The following GRM7 variants were observed in gnomAD, a reference collection of about 807,000 sequenced individuals.
The protein encoded by GRM7 is metabotropic glutamate receptor 7.
GRM7 carries 35 observed loss-of-function variants against 84.5 expected under a neutral mutation model. That is an observed-to-expected ratio of 0.41 (90% CI 0.32 to 0.55). GRM7 has a LOEUF of 0.55. Among genes scored for constraint, GRM7 ranks in the 20% least tolerant of loss-of-function variants. The pLI is 0.19. For missense variants in GRM7, 1,003 were observed against 1,194.6 expected (o/e 0.84, Z 2.36); for synonymous variants, 487 against 455.1 (o/e 1.07, Z -0.89).
At chr3:7,702,305 A>T (rs1701254778) in intron 9 of GRM7, among the ~76,000 whole-genome samples, 1 of 152,188 alleles carries the variant, frequency 6.6e-6, no homozygotes, top group South Asian at 2.1e-4. Context: ...TGGAGACTCC[A>T]CATTTTTCAC....
At position 7,146,531 on chromosome 3, in the gene GRM7, C is replaced by T; in HGVS notation, c.599C>T (p.Pro200Leu). 1 of 1,613,984 alleles carries T rather than the reference C, an allele frequency of 6.2e-7. No homozygotes were observed. The highest frequency in any genetic ancestry group is 8.5e-7 in the Non-Finnish European group (1 of 1,179,942). Reference protein sequence around the residue: ...RRYDFFSRVVPPDSFQAQAMV... With the variant: ...RRYDFFSRVVLPDSFQAQAMV... ...TATGACTTCTTCTCTCGCGTGGTGC[C>T]ACCCGATTCCTTCCAAGCCCAGGCC... Residue 200 changes from proline (P) to leucine (L), a missense_variant, in exon 2 of 10, where the codon CCA (proline) becomes CTA (leucine). This residue lies in a region of GRM7 where 910 missense variants were observed against 1,126.0 expected (regional missense o/e 0.81). Transcript: ENST00000357716.
At chr3:7,492,921 A>G (rs1447187071) in intron 7 of GRM7, among the ~76,000 whole-genome samples, 1 of 151,880 alleles carries the variant, frequency 6.6e-6, no homozygotes, top group African/African-American at 2.4e-5. Flanking sequence ...TTCCTTGAGA[A>G]TCTTCTTTAA....
intron 9 of GRM7, among the ~76,000 whole-genome samples, chr3:7,686,621 A>G (rs1052593160): frequency 3.3e-5 from 5 of 151,982 alleles, no homozygotes; most frequent in Non-Finnish European, 5.9e-5. Flanking sequence ...CATTGGTCAT[A>G]TGCCTGCTTA....
intron 4 of GRM7, among the ~76,000 whole-genome samples, chr3:7,403,846 T>TAGAC (rs1402534504): frequency 3.7e-4 from 56 of 151,854 alleles, no homozygotes; most frequent in African/African-American, 1.3e-3. Flanking sequence ...GATAGATAGA[T>TAGAC]AGATAGATAG....
At chr3:7,718,076 C>G (rs1243878355) in intron 9 of GRM7, among the ~76,000 whole-genome samples, 1 of 152,154 alleles carries the variant, frequency 6.6e-6, no homozygotes, top group Non-Finnish European at 1.5e-5. Context: ...CTAGCTCAGC[C>G]AACCCTGGGG....
intron 4 of GRM7, among the ~76,000 whole-genome samples, chr3:7,414,416 G>A (rs1454528167): frequency 6.6e-6 from 1 of 151,952 alleles, no homozygotes; most frequent in Non-Finnish European, 1.5e-5. Context: ...TAGGCCTTGG[G>A]ACACTGAATC....
intron 4 of GRM7, among the ~76,000 whole-genome samples, chr3:7,376,718 C>A (rs562988815): frequency 1.3e-5 from 2 of 152,054 alleles, no homozygotes; most frequent in African/African-American, 2.4e-5. Flanking sequence ...TACAAGAGAC[C>A]GTGTGGCTTG....
At position 7,016,139 on chromosome 3, in the gene GRM7, C is replaced by G. The variant is rs527884471; in HGVS notation, c.520-130313C>G. On this transcript the variant is annotated intron_variant, in intron 1 of 9. Coordinates refer to ENST00000357716, the MANE Select transcript of GRM7 (RefSeq NM_000844.4). ...GCTTTGATCTATCTGGGCTAAAATC[C>G]CAGCTAGTTCTATTGTTAGCTGAAT... Among the ~76,000 whole-genome samples the G allele has an allele frequency of 2.0e-3, 302 of 152,024 alleles. 1 individual carries two copies. The highest frequency in any genetic ancestry group is 3.4e-3 in the Non-Finnish European group (234 of 67,990).
intron 6 of GRM7, 141 bp from the exon 7 acceptor site, chr3:7,461,442 C>T (rs966209096): frequency 1.7e-6 from 1 of 576,852 alleles, no homozygotes; most frequent in African/African-American, 1.9e-5. Flanking sequence ...ATTGCAGGGG[C>T]CGTTTTGGGG....
rs1202573032 is a variant in GRM7, at chr3:7,188,922, A to G, written c.736+42254A>G. 6.6e-6 allele frequency among the ~76,000 whole-genome samples: 1 copy of G among 152,180 alleles called. No individual in the cohort carries two copies. The highest frequency in any genetic ancestry group is 1.5e-5 in the Non-Finnish European group (1 of 68,030). ...TGCACAAATATTGTATTAAGTTTCT[A>G]TTGTCAATAGCTGGATGGATGTGTG... is the stretch of plus-strand genomic sequence containing the variant. On this transcript the variant is annotated intron_variant, in intron 2 of 9. Coordinates refer to ENST00000357716, the MANE Select transcript of GRM7 (RefSeq NM_000844.4). This position sits in a 1 kb window ranked among gnomAD's most constrained non-coding sequence, Gnocchi z 4.2.
intron 1 of GRM7, among the ~76,000 whole-genome samples, chr3:7,042,064 C>T (rs577424515): frequency 5.6e-4 from 85 of 152,260 alleles, no homozygotes; most frequent in African/African-American, 1.8e-3. Context: ...CCATACCTCG[C>T]CCTATGCATC....
intron 7 of GRM7, among the ~76,000 whole-genome samples, chr3:7,534,162 C>T (rs1244652603): frequency 1.3e-5 from 2 of 152,010 alleles, no homozygotes; most frequent in Non-Finnish European, 2.9e-5. Context: ...CACAGGCACA[C>T]ACCACCACGC....
chr3:7,581,060 T>C (rs576997343), intron 8 of GRM7, among the ~76,000 whole-genome samples: 1 of 152,270 alleles, frequency 6.6e-6, no homozygotes, highest in South Asian at 2.1e-4. Flanking sequence ...GTAAGTTTAT[T>C]CTTGGGGAAC....
intron 4 of GRM7, among the ~76,000 whole-genome samples, chr3:7,385,620 T>A (rs946414100): frequency 2.0e-5 from 3 of 152,156 alleles, no homozygotes; most frequent in African/African-American, 7.2e-5. Context: ...GATTTTTAAA[T>A]ACAGAAGTAT....
rs761307351 is a variant in GRM7 at position 7,298,793 on chromosome 3, C to T, written c.846C>T (p.Ala282=). The T allele has an allele frequency of 1.2e-5, 19 of 1,613,562 alleles. No individual in the cohort carries two copies. The highest frequency in any genetic ancestry group is 1.7e-4 in the Middle Eastern group (1 of 6,060). ...KQLLDTPNSR[A]VVIFANDEDI... is the part of the protein sequence containing the mutation. ...TCCTGGACACCCCCAACTCCAGGGC[C>T]GTCGTGATTTTTGCCAACGATGAGG... Residue 282 remains alanine (A), a synonymous_variant, in exon 3 of 10, where the codon GCC becomes GCT. Coordinates refer to ENST00000357716, the MANE Select transcript of GRM7 (RefSeq NM_000844.4).
At chr3:7,581,184 T>G (rs1436095903) in intron 8 of GRM7, among the ~76,000 whole-genome samples, 2 of 152,164 alleles carry the variant, frequency 1.3e-5, no homozygotes, top group Non-Finnish European at 2.9e-5. Context: ...ACTATGGATC[T>G]TTTCAATAAG....
At chr3:7,602,964 A>G (rs570197752) in intron 8 of GRM7, among the ~76,000 whole-genome samples, 10 of 152,184 alleles carry the variant, frequency 6.6e-5, no homozygotes, top group Non-Finnish European at 1.3e-4. Context: ...TCTGGTTGGC[A>G]AAGCATCTAC....
intron 1 of GRM7, among the ~76,000 whole-genome samples, chr3:6,924,169 C>T (rs1559331348): frequency 1.3e-5 from 2 of 152,134 alleles, no homozygotes; most frequent in Admixed American, 6.5e-5. Context: ...CCCATCTGCT[C>T]TCGTGTTGGA....
At chr3:7,290,148 C>G (rs1254349281) in intron 2 of GRM7, among the ~76,000 whole-genome samples, 1 of 152,054 alleles carries the variant, frequency 6.6e-6, no homozygotes, top group Non-Finnish European at 1.5e-5. Context: ...TAAATGAATA[C>G]ATGAATCTAA....
Sources: allele counts gnomAD v4.1 joint callset (sites outside exome capture counted in the v4.1 genomes callset), GRCh38; gene constraint gnomAD v4.1.1; regional missense constraint gnomAD v4.1.1; non-coding constraint Gnocchi (gnomAD v3.1); transcripts MANE v1.5; gene names NCBI Gene and HGNC (gene_info 2026-07-23, HGNC 2026-07-21).